The following SAMD12 variants were observed in gnomAD, a reference collection of about 807,000 sequenced individuals.
The protein encoded by SAMD12 is sterile alpha motif domain containing 12, also known as sterile alpha motif domain-containing protein 12.
A neutral mutation model predicts 15.0 loss-of-function variants in SAMD12; 9 were observed. The ratio of observed to expected loss-of-function variants is 0.60; its 90% CI spans 0.36 to 1.05. The LOEUF (loss-of-function observed/expected upper bound fraction) is 1.05. Ranked by LOEUF, SAMD12 falls within the 50% of genes least tolerant of loss-of-function variation. The pLI is 0.01. For synonymous variants in SAMD12, 86 were observed against 90.1 expected (o/e 0.96, Z 0.25); for missense variants, 230 against 234.2 (o/e 0.98, Z 0.12).
chr8:118,262,103 C>G (rs1188639046), intron 4 of SAMD12, among the ~76,000 whole-genome samples: 4 of 151,978 alleles, frequency 2.6e-5, no homozygotes, highest in African/African-American at 9.7e-5. Context: ...TGTACTGACT[C>G]AGAAGTCACA....
At chr8:118,570,404 T>G (rs1826974999) in intron 2 of SAMD12, among the ~76,000 whole-genome samples, 1 of 152,170 alleles carries the variant, frequency 6.6e-6, no homozygotes, top group Non-Finnish European at 1.5e-5. Context: ...TGTTCCCTTC[T>G]ATATATCCAT....
At chr8:118,595,409 T>C (rs1827699877) in intron 1 of SAMD12, among the ~76,000 whole-genome samples, 1 of 152,248 alleles carries the variant, frequency 6.6e-6, no homozygotes, top group Non-Finnish European at 1.5e-5. Context: ...ATTCATTTTA[T>C]GGTGGTGTAA....
At chr8:118,134,318 G>T in the SAMD12 span, among the ~76,000 whole-genome samples, 1 of 152,244 alleles carries the variant, frequency 6.6e-6, no homozygotes, top group Non-Finnish European at 1.5e-5. Context: ...GCAGCTGGCT[G>T]AAATACATGT....
intron 4 of SAMD12, among the ~76,000 whole-genome samples, chr8:118,207,566 G>A (rs1177524377): frequency 6.6e-6 from 1 of 152,152 alleles, no homozygotes; most frequent in Non-Finnish European, 1.5e-5. Context: ...TAGACTGGGT[G>A]GCAGATTATA....
chr8:118,442,547 T>A (rs572594150), intron 2 of SAMD12, among the ~76,000 whole-genome samples: 1 of 152,240 alleles, frequency 6.6e-6, no homozygotes, highest in Non-Finnish European at 1.5e-5. Flanking sequence ...AATGTTTTTA[T>A]TGTTGATGAT....
intron 2 of SAMD12, among the ~76,000 whole-genome samples, chr8:118,467,320 G>C (rs1823622205): frequency 6.6e-6 from 1 of 152,162 alleles, no homozygotes; most frequent in Admixed American, 6.6e-5. Context: ...TTGTAAAATG[G>C]GAACAATTGT....
At chr8:118,210,274 T>C (rs1030761596) in intron 4 of SAMD12, among the ~76,000 whole-genome samples, 1 of 152,338 alleles carries the variant, frequency 6.6e-6, no homozygotes, top group African/African-American at 2.4e-5. Flanking sequence ...TGATTATCAG[T>C]TCCGCTTTGA....
At chr8:118,202,385 T>C (rs1204416263) in intron 4 of SAMD12, among the ~76,000 whole-genome samples, 3 of 152,172 alleles carry the variant, frequency 2.0e-5, no homozygotes, top group African/African-American at 7.2e-5. Context: ...GTCTTCCTGC[T>C]TGCCAAGGCC....
At chr8:118,470,183 A>C (rs1823752087) in intron 2 of SAMD12, among the ~76,000 whole-genome samples, 2 of 152,032 alleles carry the variant, frequency 1.3e-5, no homozygotes, top group African/African-American at 2.4e-5. Context: ...GACTCCACTT[A>C]TGCTATAAAG....
intron 3 of SAMD12, among the ~76,000 whole-genome samples, chr8:118,414,813 C>G (rs750845142): frequency 6.6e-6 from 1 of 152,146 alleles, no homozygotes; most frequent in Non-Finnish European, 1.5e-5. Flanking sequence ...TTCTCCTGAC[C>G]TAGTGGCGAC....
At chr8:118,499,668 A>G (rs1028280374) in intron 2 of SAMD12, among the ~76,000 whole-genome samples, 1 of 152,238 alleles carries the variant, frequency 6.6e-6, no homozygotes, top group African/African-American at 2.4e-5. Context: ...GGCTAGAGAA[A>G]AAATGTGGAA....
intron 2 of SAMD12, among the ~76,000 whole-genome samples, chr8:118,564,985 C>A (rs552336526): frequency 6.6e-6 from 1 of 152,284 alleles, no homozygotes; most frequent in East Asian, 1.9e-4. Context: ...CAGCATGCCA[C>A]TTTCTCTCAC....
At chr8:118,312,477 C>T (rs190741558) in intron 4 of SAMD12, among the ~76,000 whole-genome samples, 2 of 152,290 alleles carry the variant, frequency 1.3e-5, no homozygotes, top group Admixed American at 1.3e-4. Context: ...GGGCCACTTC[C>T]TCTTCTCTTT....
At chr8:118,467,941 G>T (rs1823645121) in intron 2 of SAMD12, among the ~76,000 whole-genome samples, 1 of 152,120 alleles carries the variant, frequency 6.6e-6, no homozygotes. Context: ...ATAAAGATGG[G>T]GACAATGTGG....
At chr8:118,341,145 A>G (rs2514947) in intron 4 of SAMD12, among the ~76,000 whole-genome samples, 101,986 of 151,986 alleles carry the variant, frequency 0.67, 34,758 homozygotes, top group East Asian at 0.87. Context: ...CTTTCTCCAC[A>G]TGGTGTTTCT....
the SAMD12 span, among the ~76,000 whole-genome samples, chr8:118,140,381 C>T: frequency 6.6e-6 from 1 of 152,100 alleles, no homozygotes; most frequent in Non-Finnish European, 1.5e-5. Context: ...AGGCAATCCT[C>T]CCACCTCAGT....
chr8:118,530,735 T>G (rs1025170490), intron 2 of SAMD12, among the ~76,000 whole-genome samples: 2 of 152,372 alleles, frequency 1.3e-5, no homozygotes, highest in Non-Finnish European at 2.9e-5. Context: ...TTTGTTTTTG[T>G]TGCATTTGTT....
intron 4 of SAMD12, among the ~76,000 whole-genome samples, chr8:118,322,614 A>G (rs887583262): frequency 1.8e-4 from 27 of 152,246 alleles, no homozygotes; most frequent in African/African-American, 5.8e-4. Context: ...TGAACCAAGT[A>G]AAGCTAGACC....
chr8:118,593,872 T>A (rs1039173282), intron 1 of SAMD12, among the ~76,000 whole-genome samples: 1 of 152,240 alleles, frequency 6.6e-6, no homozygotes, highest in Non-Finnish European at 1.5e-5. Flanking sequence ...ATAATGCCAC[T>A]ATTCTAAAAA....
Sources: gnomAD v4.1 joint callset for allele counts (sites outside exome capture counted in the v4.1 genomes callset) on GRCh38, gnomAD v4.1.1 for gene constraint, MANE v1.5 for transcripts, NCBI Gene and HGNC (gene_info 2026-07-23, HGNC 2026-07-21) for gene names.